The following RANBP2 variants were observed in gnomAD, a reference collection of about 807,000 sequenced individuals.
The protein encoded by RANBP2 is RAN binding protein 2, also known as E3 SUMO-protein ligase RanBP2.
A neutral mutation model predicts 303.6 loss-of-function variants in RANBP2; 57 were observed. The observed-to-expected ratio is 0.19, with a 90% CI of 0.15 to 0.23. RANBP2 has a LOEUF of 0.23. Among genes scored for constraint, RANBP2 ranks in the 10% least tolerant of loss-of-function variants. The pLI is 1.00. For synonymous variants in RANBP2, 1,167 were observed against 1,301.5 expected, an observed-to-expected ratio of 0.90 and a Z score of 2.23; for missense variants, 3,138 against 3,780.8, an observed-to-expected ratio of 0.83 and a Z score of 4.46.
the RANBP2 span, among the ~76,000 whole-genome samples, chr2:109,527,765 T>C: frequency 9.9e-5 from 15 of 152,218 alleles, no homozygotes; most frequent in Non-Finnish European, 2.2e-4. Context: ...AATAAATAGA[T>C]GTGGCTGACA....
the RANBP2 span, among the ~76,000 whole-genome samples, chr2:109,284,321 C>A: frequency 6.6e-6 from 1 of 152,184 alleles, no homozygotes; most frequent in African/African-American, 2.4e-5. Context: ...CATTTTTATT[C>A]TTAAAGCATT....
At chr2:108,977,624 G>C in the RANBP2 span, among the ~76,000 whole-genome samples, 1 of 152,098 alleles carries the variant, frequency 6.6e-6, no homozygotes. Context: ...CTTGGAGTGA[G>C]GAGGGACTGG....
At chr2:109,715,090 C>T in the RANBP2 span, among the ~76,000 whole-genome samples, 1 of 151,848 alleles carries the variant, frequency 6.6e-6, no homozygotes, top group Admixed American at 6.6e-5. Flanking sequence ...TCTTCAGCCT[C>T]CCAGGTAGCT....
chr2:109,146,480 G>A, the RANBP2 span, among the ~76,000 whole-genome samples: 1 of 148,968 alleles, frequency 6.7e-6, no homozygotes, highest in Non-Finnish European at 1.5e-5. Context: ...CAAGCTCATG[G>A]GTCCTGTGAA....
At chr2:109,420,232 T>A in the RANBP2 span, among the ~76,000 whole-genome samples, 1 of 152,350 alleles carries the variant, frequency 6.6e-6, no homozygotes, top group African/African-American at 2.4e-5. Flanking sequence ...CCCATTTAAA[T>A]CATGCTCTGA....
At chr2:109,185,730 A>T in the RANBP2 span, among the ~76,000 whole-genome samples, 5 of 152,256 alleles carry the variant, frequency 3.3e-5, no homozygotes, top group African/African-American at 1.2e-4. Flanking sequence ...GGGAGACTTT[A>T]GACAGACAAA....
the RANBP2 span, among the ~76,000 whole-genome samples, chr2:109,154,853 T>G: frequency 1.3e-5 from 2 of 152,226 alleles, no homozygotes; most frequent in Non-Finnish European, 2.9e-5. Context: ...TGGCCTTGGA[T>G]TGCCCTAAGG....
In RANBP2 at chr2:108,772,526, A is replaced by G. The variant is rs1348324601; in HGVS notation, c.8058A>G (p.Gly2686=). Residue 2686 remains glycine, a synonymous_variant, in exon 22 of 29, where the codon GGA becomes GGG. Coordinates refer to ENST00000283195, the MANE Select transcript of RANBP2 (RefSeq NM_006267.5). ...AAACAGCTGTCAAGAAACTTAATGG[A>G]AAACTATATTTGGATGGCTCAGAAA... ...DFETAVKKLN[G]KLYLDGSEKC... 3 of 1,613,720 alleles carry G rather than the reference A, an allele frequency of 1.9e-6. No homozygotes were observed. Among genetic ancestry groups the G allele is most frequent in the African/African-American group, 1.3e-5 (1 of 74,904 alleles).
chr2:109,713,927 C>T, the RANBP2 span, among the ~76,000 whole-genome samples: 1 of 152,198 alleles, frequency 6.6e-6, no homozygotes, highest in Admixed American at 6.5e-5. Flanking sequence ...CCAGGGGACA[C>T]CAGCTGGATA....
the RANBP2 span, among the ~76,000 whole-genome samples, chr2:109,176,499 A>C: frequency 2.0e-5 from 3 of 152,142 alleles, no homozygotes; most frequent in South Asian, 6.2e-4. Context: ...TGTGGGGCCA[A>C]GGTGGGAGGA....
At chr2:109,372,187 G>T in the RANBP2 span, among the ~76,000 whole-genome samples, 1 of 152,232 alleles carries the variant, frequency 6.6e-6, no homozygotes, top group African/African-American at 2.4e-5. Flanking sequence ...CACAGCAAAG[G>T]TGTTTTGAGG....
At chr2:109,269,314 T>A in the RANBP2 span, among the ~76,000 whole-genome samples, 1 of 152,172 alleles carries the variant, frequency 6.6e-6, no homozygotes, top group Non-Finnish European at 1.5e-5. Flanking sequence ...GCAGCCAAGA[T>A]GGGAAAACCT....
At chr2:108,819,880 A>C in the RANBP2 span, among the ~76,000 whole-genome samples, 1 of 152,196 alleles carries the variant, frequency 6.6e-6, no homozygotes, top group Non-Finnish European at 1.5e-5. Context: ...ACTTTGTGAT[A>C]TATGATTTAA....
At chr2:109,009,642 G>A in the RANBP2 span, among the ~76,000 whole-genome samples, 3 of 151,004 alleles carry the variant, frequency 2.0e-5, no homozygotes, top group Non-Finnish European at 2.9e-5. Context: ...CCTCCCACCT[G>A]AGCCTCCCGA....
the RANBP2 span, among the ~76,000 whole-genome samples, chr2:109,409,842 C>T: frequency 6.6e-6 from 1 of 151,998 alleles, no homozygotes; most frequent in Non-Finnish European, 1.5e-5. Context: ...TGATTTACAC[C>T]CCGTGTAATG....
the RANBP2 span, chr2:109,546,260 C>T: frequency 2.0e-6 from 3 of 1,483,406 alleles, no homozygotes; most frequent in Non-Finnish European, 2.7e-6. Flanking sequence ...GTGCAATCCC[C>T]ACTACTGACA....
At chr2:109,282,301 T>C in the RANBP2 span, among the ~76,000 whole-genome samples, 2 of 126,676 alleles carry the variant, frequency 1.6e-5, no homozygotes, top group South Asian at 2.5e-4. Context: ...TAGTCTAACG[T>C]GTTCATAATT....
At chr2:109,706,845 G>A in the RANBP2 span, among the ~76,000 whole-genome samples, 3 of 152,200 alleles carry the variant, frequency 2.0e-5, no homozygotes, top group Non-Finnish European at 4.4e-5. Context: ...GGTGCCCAGC[G>A]GGTTGCCCCT....
the RANBP2 span, among the ~76,000 whole-genome samples, chr2:108,852,878 G>A: frequency 6.6e-6 from 1 of 151,964 alleles, no homozygotes; most frequent in African/African-American, 2.4e-5. Context: ...ACCTGCACAG[G>A]TACCCCTGAA....
Sources: allele counts gnomAD v4.1 joint callset (sites outside exome capture counted in the v4.1 genomes callset), GRCh38; gene constraint gnomAD v4.1.1; transcripts MANE v1.5; gene names NCBI Gene and HGNC (gene_info 2026-07-23, HGNC 2026-07-21).